MAGI2: variants seen among roughly 807,000 people sequenced by gnomAD.
MAGI2 encodes membrane-associated guanylate kinase, WW and PDZ domain-containing protein 2.
MAGI2 carries 35 observed loss-of-function variants against 133.3 expected under a neutral mutation model. The observed-to-expected ratio is 0.26, with a 90% CI of 0.20 to 0.35. The LOEUF (loss-of-function observed/expected upper bound fraction) is 0.35. MAGI2 is among the 10% of genes least tolerant of loss of function. The probability of loss-of-function intolerance (pLI) is 1.00; values close to 1 mark genes in which losing one functional copy is unlikely to be tolerated. For missense variants in MAGI2, 1,636 were observed against 1,863.4 expected (o/e 0.88, Z 2.25); for synonymous variants, 729 against 710.6 (o/e 1.03, Z -0.41).
chr7:78,761,633 T>TC (rs1014891892), intron 2 of MAGI2, among the ~76,000 whole-genome samples: 1 of 152,086 alleles, frequency 6.6e-6, no homozygotes, highest in African/African-American at 2.4e-5. Flanking sequence ...ACCTGGCTAA[T>TC]TTTTAGTAAA....
At chr7:79,235,778 T>C (rs986422526) in intron 1 of MAGI2, among the ~76,000 whole-genome samples, 2 of 152,352 alleles carry the variant, frequency 1.3e-5, no homozygotes, top group African/African-American at 4.8e-5. Flanking sequence ...CTGGGAGCTG[T>C]AGACCGGAGC....
chr7:79,117,033 G>T (rs946673525), intron 1 of MAGI2, among the ~76,000 whole-genome samples: 1 of 152,148 alleles, frequency 6.6e-6, no homozygotes, highest in East Asian at 1.9e-4. Context: ...TGACTGTCTT[G>T]CAGTAAGAAA....
Position 79,292,256 on chromosome 7 carries a change from A to G in MAGI2, c.301+160764T>C, listed in dbSNP as rs929311067. Among the ~76,000 whole-genome samples, 8 of 152,082 alleles carry G rather than the reference A, an allele frequency of 5.3e-5. 1 individual carries two copies. On this transcript the variant is annotated intron_variant, in intron 1 of 21. Coordinates refer to ENST00000354212, the MANE Select transcript of MAGI2 (RefSeq NM_012301.4). ...TTAACATTTCATTGGTCTGTATACA[A>G]TTTCATTTATTTACTTATTTATTTA...
At chr7:78,554,859 G>T (rs902426798) in intron 3 of MAGI2, among the ~76,000 whole-genome samples, 8 of 152,032 alleles carry the variant, frequency 5.3e-5, no homozygotes, top group Admixed American at 3.3e-4. Flanking sequence ...TAGTTTGGCC[G>T]GGCATGGTGG....
intron 3 of MAGI2, among the ~76,000 whole-genome samples, chr7:78,551,180 T>C (rs1356707556): frequency 1.3e-5 from 2 of 152,234 alleles, no homozygotes; most frequent in Non-Finnish European, 2.9e-5. Flanking sequence ...ATTTTTATCA[T>C]TGACTTAGCC....
At chr7:78,268,231 T>C (rs1242083462) in intron 9 of MAGI2, among the ~76,000 whole-genome samples, 1 of 152,146 alleles carries the variant, frequency 6.6e-6, no homozygotes, top group Non-Finnish European at 1.5e-5. Context: ...CAAATTATTG[T>C]ACAATGCAAA....
chr7:78,072,329 A>G (rs2151168123), intron 21 of MAGI2, among the ~76,000 whole-genome samples: 1 of 152,244 alleles, frequency 6.6e-6, no homozygotes, highest in East Asian at 1.9e-4. Flanking sequence ...AAACCCATTT[A>G]AATGTTTTTC....
chr7:79,009,005 C>T (rs1350985898), intron 1 of MAGI2: 4 of 151,986 alleles, frequency 2.6e-5, no homozygotes, highest in East Asian at 1.9e-4. Context: ...GCAACTGCAC[C>T]CCCTCTTCCT....
At chr7:78,414,457 G>A (rs900389490) in intron 6 of MAGI2, among the ~76,000 whole-genome samples, 2 of 151,528 alleles carry the variant, frequency 1.3e-5, no homozygotes, top group South Asian at 2.1e-4. Flanking sequence ...ATTGTTGTTG[G>A]GCTTTATTTT....
chr7:78,381,362 A>AAGAAAAGAAG (rs1215940760), intron 6 of MAGI2, among the ~76,000 whole-genome samples: 2 of 151,950 alleles, frequency 1.3e-5, no homozygotes, highest in Non-Finnish European at 2.9e-5. Context: ...AAGAAAAGAA[A>AAGAAAAGAAG]AGAAAAGAAA....
chr7:78,655,452 ACC>A (rs1563304910), intron 2 of MAGI2, among the ~76,000 whole-genome samples: 3 of 68,402 alleles, frequency 4.4e-5, no homozygotes, highest in Non-Finnish European at 6.0e-5. Flanking sequence ...AAAAAAAACA[ACC>A]AAAAAAAAAA....
At chr7:78,120,932 C>T (rs571498055) in intron 20 of MAGI2, among the ~76,000 whole-genome samples, 2 of 131,136 alleles carry the variant, frequency 1.5e-5, no homozygotes, top group Admixed American at 8.9e-5. Context: ...ACCCGGGAGG[C>T]GGAGCTTGCA....
At chr7:78,539,685 C>T (rs772489076) in intron 3 of MAGI2, among the ~76,000 whole-genome samples, 10 of 152,222 alleles carry the variant, frequency 6.6e-5, no homozygotes, top group Middle Eastern at 3.4e-3. Flanking sequence ...CTGGGTCTAG[C>T]CACCCAGTGG....
chr7:79,142,019 A>G (rs185236459), intron 1 of MAGI2, among the ~76,000 whole-genome samples: 406 of 152,278 alleles, frequency 2.7e-3, no homozygotes, highest in Non-Finnish European at 4.5e-3. Context: ...CCATACACAA[A>G]TGTTGGTTGG....
chr7:79,453,057 G>C lies in MAGI2; in HGVS notation c.264C>G (p.His88Gln), dbSNP rs767334810. 1.2e-6 allele frequency: 2 copies of C among 1,610,600 alleles called. No homozygotes were observed. Among genetic ancestry groups the C allele is most frequent in the South Asian group, 2.2e-5 (2 of 90,570 alleles). ...TIRDVLAVIK[H>Q]CKDPLRLKCV... ...ACTTGAGCCGGAGGGGGTCCTTGCA[G>C]TGTTTGATCACGGCCAGCACGTCCC... The change falls in exon 1 of 22, where the codon CAC (histidine) becomes CAG (glutamine). Residue 88 changes from histidine to glutamine, a missense_variant. This residue lies in a region of MAGI2 where 148 missense variants were observed against 239.0 expected (regional missense o/e 0.62). Coordinates refer to ENST00000354212, the MANE Select transcript of MAGI2 (RefSeq NM_012301.4).
At chr7:78,172,593 G>A (rs143143144) in intron 14 of MAGI2, among the ~76,000 whole-genome samples, 5 of 152,294 alleles carry the variant, frequency 3.3e-5, no homozygotes, top group East Asian at 3.9e-4. Context: ...AAAAATGCCC[G>A]TATGCTTTGT....
chr7:78,521,645 T>C lies in MAGI2; in HGVS notation c.539A>G (p.Asp180Gly), dbSNP rs949358093. The change falls in exon 4 of 22, where the codon GAC becomes GGC. Residue 180 changes from aspartate (D) to glycine (G), a missense_variant and splice_region_variant. This residue lies in a region of MAGI2 where 148 missense variants were observed against 239.0 expected (regional missense o/e 0.62). Coordinates refer to ENST00000354212, the MANE Select transcript of MAGI2 (RefSeq NM_012301.4). ...CGGCTTTGGGGTACCGTAGTAATTG[T>C]CTGCAAACAATACCAAAACATTCTT... ...GALLESGTYEDNYYGTPKPPA... is the reference protein window; with the variant it reads ...GALLESGTYEGNYYGTPKPPA... 3.1e-6 allele frequency: 5 copies of C among 1,613,144 alleles called. No homozygotes were observed. The highest frequency in any genetic ancestry group is 2.2e-5 in the South Asian group (2 of 91,070).
chr7:78,567,210 T>C (rs980999531), intron 3 of MAGI2, among the ~76,000 whole-genome samples: 3 of 152,202 alleles, frequency 2.0e-5, no homozygotes, highest in Admixed American at 2.0e-4. Context: ...TGTACTTTTC[T>C]TCTATTTCTC....
At chr7:78,275,675 AT>A (rs142959184) in intron 9 of MAGI2, among the ~76,000 whole-genome samples, 1,618 of 152,312 alleles carry the variant, frequency 0.011, 13 homozygotes, top group Non-Finnish European at 0.015. Flanking sequence ...ATTTTAAGGT[AT>A]TTTACGAAAT....
Sources: gnomAD v4.1 joint callset for allele counts (sites outside exome capture counted in the v4.1 genomes callset) on GRCh38, gnomAD v4.1.1 for gene constraint, gnomAD v4.1.1 regional missense constraint, MANE v1.5 for transcripts, NCBI Gene and HGNC (gene_info 2026-07-23, HGNC 2026-07-21) for gene names.